SGK1: variants seen among roughly 807,000 people sequenced by gnomAD.
SGK1 encodes the protein serum/glucocorticoid regulated kinase 1, also known as serine/threonine-protein kinase Sgk1.
Under a neutral mutation model 64.2 loss-of-function variants are expected in SGK1, and 26 were observed. The ratio of observed to expected loss-of-function variants is 0.40; its 90% confidence interval spans 0.30 to 0.56. SGK1 has a LOEUF of 0.56. Ranked by LOEUF, SGK1 falls within the 20% of genes least tolerant of loss-of-function variation. SGK1 has a pLI of 0.38. For missense variants in SGK1, 519 were observed against 645.6 expected, an observed-to-expected ratio of 0.80 and a Z score of 2.12; for synonymous variants, 265 against 239.7, an observed-to-expected ratio of 1.11 and a Z score of -0.98.
chr6:134,300,970 G>A (rs1777445450), intron 1 of SGK1, among the ~76,000 whole-genome samples: 1 of 152,108 alleles, frequency 6.6e-6, no homozygotes, highest in African/African-American at 2.4e-5. Flanking sequence ...AGTAGAATAT[G>A]CTGATGAATT....
chr6:134,210,242 C>T (rs1775867097), intron 2 of SGK1, among the ~76,000 whole-genome samples: 1 of 152,086 alleles, frequency 6.6e-6, no homozygotes, highest in Non-Finnish European at 1.5e-5. Context: ...AGAAATCATA[C>T]CATATGTGAC....
At chr6:134,179,889 G>A (rs1235976980) in intron 3 of SGK1, among the ~76,000 whole-genome samples, 7 of 152,128 alleles carry the variant, frequency 4.6e-5, no homozygotes, top group Admixed American at 4.6e-4. Flanking sequence ...ATGTCATTCA[G>A]GGGATAAATT....
intron 2 of SGK1, among the ~76,000 whole-genome samples, chr6:134,254,367 T>G (rs1582744485): frequency 6.6e-6 from 1 of 152,026 alleles, no homozygotes; most frequent in African/African-American, 2.4e-5. Context: ...AGCATAAATA[T>G]TGTGTTTTCC....
At chr6:134,281,476 TCA>T (rs1339641301) in intron 1 of SGK1, among the ~76,000 whole-genome samples, 1 of 151,874 alleles carries the variant, frequency 6.6e-6, no homozygotes, top group African/African-American at 2.4e-5. Context: ...TTGTAATTAT[TCA>T]CAGTTAGCTT....
chr6:134,301,531 TTCTTCTCTTCTCTTCTCTTCTCTTC>T (rs56681881), intron 1 of SGK1, among the ~76,000 whole-genome samples: 5,154 of 139,094 alleles, frequency 0.037, 119 homozygotes, highest in East Asian at 0.067. Flanking sequence ...CTTTTCTCTT[TTCTTCTCTTCTCTTCTCTTCTCTTC>T]TCTTCTCTTC....
chr6:134,275,223 C>T (rs926002473), intron 1 of SGK1, among the ~76,000 whole-genome samples: 6 of 152,036 alleles, frequency 3.9e-5, no homozygotes, highest in Admixed American at 6.6e-5. Flanking sequence ...ATTGATCAGT[C>T]GATTGTAGAG....
chr6:134,241,360 T>A (rs1357330272), intron 2 of SGK1, among the ~76,000 whole-genome samples: 1 of 152,010 alleles, frequency 6.6e-6, no homozygotes, highest in African/African-American at 2.4e-5. Context: ...CTGAAGATGT[T>A]TTTTTCTTTT....
intron 1 of SGK1, among the ~76,000 whole-genome samples, chr6:134,264,050 T>C (rs994354999): frequency 6.6e-6 from 1 of 152,002 alleles, no homozygotes; most frequent in Non-Finnish European, 1.5e-5. Context: ...GGCACAGTGT[T>C]GTTATGGAGT....
intron 3 of SGK1, among the ~76,000 whole-genome samples, chr6:134,189,884 C>T (rs777025086): frequency 2.0e-5 from 3 of 152,294 alleles, no homozygotes; most frequent in Non-Finnish European, 2.9e-5. Flanking sequence ...GAGTCTCACT[C>T]TGTCACCCAG....
At chr6:134,295,353 A>G (rs1241258820) in intron 1 of SGK1, among the ~76,000 whole-genome samples, 2 of 152,230 alleles carry the variant, frequency 1.3e-5, no homozygotes, top group Non-Finnish European at 2.9e-5. Context: ...GAGAGTCACA[A>G]TAAACCACTG....
chr6:134,262,740 A>G (rs543902455), intron 1 of SGK1, among the ~76,000 whole-genome samples: 1 of 152,032 alleles, frequency 6.6e-6, no homozygotes, highest in South Asian at 2.1e-4. Flanking sequence ...TCAAAACCCA[A>G]AAACAAACAA....
At position 134,261,564 on chromosome 6, in the gene SGK1, A is replaced by G. The variant is rs2114747853; in HGVS notation, c.285+369T>C. ...TAACTGTATGATACTGTAATGGTGG[A>G]TGCATGTTATTATACATTAGTCCAA... On this transcript the variant is annotated intron_variant, in intron 2 of 13. Coordinates refer to ENST00000367858, the MANE Select transcript of SGK1 (RefSeq NM_001143676.3). The G allele has an allele frequency of 8.5e-6, 4 of 471,810 alleles. No individual in the cohort carries two copies. The South Asian group carries it at 1.8e-4, about 21-fold the overall frequency. The allele number at this position is 471,810 out of a possible 1,614,324, so 29.2% of individuals were successfully genotyped here. A position where few individuals can be genotyped will look rare whatever the true frequency, so the allele number is the denominator to read the frequency against.
intron 2 of SGK1, among the ~76,000 whole-genome samples, chr6:134,244,320 A>T (rs1319309647): frequency 1.3e-5 from 2 of 152,186 alleles, no homozygotes; most frequent in African/African-American, 4.8e-5. Context: ...TTATGGCTGC[A>T]TAGTATTCCA....
intron 2 of SGK1, among the ~76,000 whole-genome samples, chr6:134,246,311 G>T (rs151321753): frequency 0.02 from 2,894 of 147,786 alleles, 95 homozygotes; most frequent in African/African-American, 0.068. Context: ...ACCCCGCCTG[G>T]CTAATTTTTG....
At chr6:134,289,603 C>T (rs562641185) in intron 1 of SGK1, among the ~76,000 whole-genome samples, 87 of 151,614 alleles carry the variant, frequency 5.7e-4, no homozygotes, top group Non-Finnish European at 9.7e-4. Flanking sequence ...TTTATATTCT[C>T]TTTTTTTTTC....
At chr6:134,316,597 A>C (rs80149195) in intron 1 of SGK1, among the ~76,000 whole-genome samples, 7,536 of 152,132 alleles carry the variant, frequency 0.05, 246 homozygotes, top group Non-Finnish European at 0.075. Flanking sequence ...TGAAATATAC[A>C]TGCAAAAAAA....
chr6:134,256,202 A>G (rs1158503631), intron 2 of SGK1, among the ~76,000 whole-genome samples: 3 of 151,770 alleles, frequency 2.0e-5, no homozygotes, highest in East Asian at 3.9e-4. Context: ...TTACAAACAT[A>G]GTTTACAATG....
intron 2 of SGK1, 22 bp from the exon 3 acceptor site, chr6:134,207,453 G>T (rs1457986531): frequency 1.3e-6 from 2 of 1,550,136 alleles, no homozygotes; most frequent in African/African-American, 1.4e-5. Flanking sequence ...AAAGAGAAAA[G>T]AAGTGATATA....
Position 134,298,196 on chromosome 6 carries a change from T to A in SGK1, c.69+19196A>T, listed in dbSNP as rs61622214. 1.5e-3 allele frequency: 2,224 copies of A among 1,532,206 alleles called. 44 individuals carry two copies. The African/African-American group carries it at 0.028, about 19-fold the overall frequency. The allele number at this position is 1,532,206 out of a possible 1,614,324, so 94.9% of individuals were successfully genotyped here. A position where few individuals can be genotyped will look rare whatever the true frequency, so the allele number is the denominator to read the frequency against. ...GATCTCATCCTCACCAGCCCCTGCA[T>A]GTTGCCAAGCTCTGCCTCCAGCTTC... On this transcript the variant is annotated intron_variant, in intron 1 of 13. Coordinates refer to ENST00000367858, the MANE Select transcript of SGK1 (RefSeq NM_001143676.3).
Sources: allele counts gnomAD v4.1 joint callset (sites outside exome capture counted in the v4.1 genomes callset), GRCh38; gene constraint gnomAD v4.1.1; transcripts MANE v1.5; gene names NCBI Gene and HGNC (gene_info 2026-07-23, HGNC 2026-07-21).